SLC26A5: variants seen among roughly 807,000 people sequenced by gnomAD.
SLC26A5 encodes prestin.
A neutral mutation model predicts 81.0 loss-of-function variants in SLC26A5; 51 were observed. The ratio of observed to expected loss-of-function variants is 0.63; its 90% CI spans 0.50 to 0.80. The LOEUF is 0.80. Among genes scored for constraint, SLC26A5 ranks in the 30% least tolerant of loss-of-function variants. The probability of loss-of-function intolerance (pLI) is 0.00; values close to 1 mark genes in which losing one functional copy is unlikely to be tolerated. For synonymous variants in SLC26A5, 325 were observed against 332.8 expected, an observed-to-expected ratio of 0.98 and a Z score of 0.25; for missense variants, 771 against 905.8, an observed-to-expected ratio of 0.85 and a Z score of 1.91.
intron 19 of SLC26A5, among the ~76,000 whole-genome samples, chr7:103,376,136 C>T (rs1043645956): frequency 1.3e-5 from 2 of 150,480 alleles, no homozygotes; most frequent in Non-Finnish European, 3.0e-5. Context: ...AGTGTAGTGG[C>T]GTGATGTTGG....
intron 4 of SLC26A5, among the ~76,000 whole-genome samples, chr7:103,416,353 G>A (rs1486429528): frequency 6.6e-6 from 1 of 152,198 alleles, no homozygotes; most frequent in East Asian, 1.9e-4. Context: ...GTCTTTTATA[G>A]GTCACCATCT....
At chr7:103,385,201 G>A (rs1034194026) in intron 14 of SLC26A5, among the ~76,000 whole-genome samples, 6 of 151,834 alleles carry the variant, frequency 4.0e-5, no homozygotes, top group Admixed American at 1.3e-4. Context: ...TCGCTCTGTC[G>A]CCTGGGCTGG....
At chr7:103,440,556 A>C (rs142921825) in intron 2 of SLC26A5, among the ~76,000 whole-genome samples, 12 of 152,346 alleles carry the variant, frequency 7.9e-5, no homozygotes, top group African/African-American at 2.9e-4. Flanking sequence ...TTCCTACTTT[A>C]ATTCATTTTA....
chr7:103,392,420 C>T (rs1267500799), intron 10 of SLC26A5, among the ~76,000 whole-genome samples: 7 of 152,084 alleles, frequency 4.6e-5, no homozygotes, highest in Non-Finnish European at 7.4e-5. Flanking sequence ...AGCAAAAACG[C>T]CCTGGAAAAA....
intron 4 of SLC26A5, 87 bp downstream of exon 4, chr7:103,420,651 A>G: frequency 6.6e-7 from 1 of 1,512,238 alleles, no homozygotes; most frequent in Non-Finnish European, 9.1e-7. Flanking sequence ...GATAAAAATT[A>G]TGAATTTGCA....
chr7:103,355,627 G>T, intron 19 of SLC26A5: 1 of 1,220,634 alleles, frequency 8.2e-7, no homozygotes, highest in Non-Finnish European at 1.2e-6. Flanking sequence ...TAGTGCTGAG[G>T]TTTAGAAAGC....
In SLC26A5 at chr7:103,367,659, T is replaced by C; in HGVS notation, c.2041+9149A>G. 1.2e-6 allele frequency: 2 copies of C among 1,608,924 alleles called. No homozygotes were observed. The highest frequency in any genetic ancestry group is 2.2e-5 in the East Asian group (1 of 44,842). ...TTTAGGAAAGGGATTTTTGAAGTTTTTTCTTCCTGTGATTTTTTTCCATTT... is the reference window on the plus strand; with the variant it reads ...TTTAGGAAAGGGATTTTTGAAGTTTCTTCTTCCTGTGATTTTTTTCCATTT... On this transcript the variant is annotated intron_variant, in intron 19 of 19. Coordinates refer to the SLC26A5 transcript ENST00000339444. This position sits in a 1 kb window ranked among gnomAD's most constrained non-coding sequence, Gnocchi z 6.1.
chr7:103,375,230 G>A (rs4286873), intron 19 of SLC26A5, among the ~76,000 whole-genome samples: 16,185 of 150,722 alleles, frequency 0.11, 1,651 homozygotes, highest in African/African-American at 0.28. Flanking sequence ...CCACTACATC[G>A]TATTCTATTG....
chr7:103,402,186 G>A (rs1297712457), intron 8 of SLC26A5, among the ~76,000 whole-genome samples: 1 of 152,060 alleles, frequency 6.6e-6, no homozygotes, highest in East Asian at 1.9e-4. Flanking sequence ...AATCCATTTG[G>A]TCCTGGACTT....
chr7:103,362,489 G>T, intron 19 of SLC26A5: 1 of 1,408,534 alleles, frequency 7.1e-7, no homozygotes, highest in South Asian at 1.6e-5. Flanking sequence ...GATTGCTGTT[G>T]GATAGGTTGT....
chr7:103,381,956 G>A (rs959490136), intron 14 of SLC26A5, among the ~76,000 whole-genome samples: 2 of 147,052 alleles, frequency 1.4e-5, no homozygotes, highest in African/African-American at 2.5e-5. Context: ...CACACATCAC[G>A]TATACCTCAC....
chr7:103,400,483 A>G (rs6465917), intron 8 of SLC26A5, among the ~76,000 whole-genome samples: 100,670 of 151,330 alleles, frequency 0.67, 36,847 homozygotes, highest in Middle Eastern at 0.83. Flanking sequence ...TGTCAGATGG[A>G]CAGATTGCAA....
intron 10 of SLC26A5, 118 bp downstream of exon 10, chr7:103,392,801 T>C: frequency 1.6e-6 from 2 of 1,257,150 alleles, no homozygotes; most frequent in Non-Finnish European, 2.3e-6. Flanking sequence ...ATGGTCTCAA[T>C]CTCCTGACCT....
At position 103,439,006 on chromosome 7, in the gene SLC26A5, A is replaced by G. The variant is rs2116856518; in HGVS notation, c.-54+4077T>C. Among the ~76,000 whole-genome samples the G allele has an allele frequency of 2.0e-5, 3 of 152,364 alleles. 1 individual carries two copies. The South Asian group carries it at 6.2e-4, about 32-fold the overall frequency. ...ATAGGTTCAACTATGCTCAACAGCA[A>G]CACAACCACTTTGTGTCTGGTCTGC... On this transcript the variant is annotated intron_variant, in intron 2 of 19. Transcript: ENST00000306312.
At chr7:103,365,857 G>A (rs750946416) in intron 19 of SLC26A5, among the ~76,000 whole-genome samples, 6 of 152,208 alleles carry the variant, frequency 3.9e-5, no homozygotes, top group South Asian at 2.1e-4. Flanking sequence ...GAACCCAGGC[G>A]GCAGAGGTTG....
intron 19 of SLC26A5, chr7:103,364,245 C>G: frequency 6.2e-7 from 1 of 1,614,186 alleles, no homozygotes. Flanking sequence ...AGTTGCTAAT[C>G]GGACTGATGC....
At chr7:103,364,113 G>C in intron 19 of SLC26A5, 1 of 1,604,748 alleles carries the variant, frequency 6.2e-7, no homozygotes, top group Non-Finnish European at 8.5e-7. Flanking sequence ...TACAGAAGTG[G>C]TAAGTGTGAA....
rs1563514928 is a variant in SLC26A5 at position 103,379,257 on chromosome 7, C to T, written c.1663G>A (p.Ala555Thr). ...TCATGACTCACCTTTCGTTTTAATG[C>T]ATTGCTATACAAGTCGCTATTTGCA... Reference protein sequence around the residue: ...YYANSDLYSNALKRKTGVNPA... With the variant: ...YYANSDLYSNTLKRKTGVNPA... The change falls in exon 16 of 20, where the codon GCA (alanine) becomes ACA (threonine). Residue 555 changes from alanine (A) to threonine (T), a missense_variant. Coordinates refer to ENST00000306312, the MANE Select transcript of SLC26A5 (RefSeq NM_198999.3). 6.2e-7 allele frequency: 1 copy of T among 1,608,694 alleles called. No individual in the cohort carries two copies. Among genetic ancestry groups the T allele is most frequent in the Non-Finnish European group, 8.5e-7 (1 of 1,175,306 alleles).
chr7:103,439,430 T>C (rs1412071761), intron 2 of SLC26A5, among the ~76,000 whole-genome samples: 4 of 152,186 alleles, frequency 2.6e-5, no homozygotes, highest in African/African-American at 9.7e-5. Context: ...CCTCTCAAAC[T>C]CTTGTCCACT....
Sources: gnomAD v4.1 joint callset for allele counts (sites outside exome capture counted in the v4.1 genomes callset) on GRCh38, gnomAD v4.1.1 for gene constraint, Gnocchi (gnomAD v3.1) non-coding constraint, MANE v1.5 for transcripts, NCBI Gene and HGNC (gene_info 2026-07-23, HGNC 2026-07-21) for gene names.